ARHGAP10: variants seen among roughly 807,000 people sequenced by gnomAD.
The protein encoded by ARHGAP10 is Rho GTPase activating protein 10, also known as rho GTPase-activating protein 10.
In ARHGAP10, 87 loss-of-function variants were observed where a neutral mutation model predicts 108.6. That is an observed-to-expected ratio of 0.80 (90% CI 0.67 to 0.96). The LOEUF (loss-of-function observed/expected upper bound fraction) is 0.96, where lower values mean the gene tolerates loss of function less well. Ranked by LOEUF, ARHGAP10 falls within the 40% of genes least tolerant of loss-of-function variation. ARHGAP10 has a pLI of 0.00. For synonymous variants in ARHGAP10, 347 were observed against 341.1 expected, an observed-to-expected ratio of 1.02 and a Z score of -0.19; for missense variants, 939 against 954.5, an observed-to-expected ratio of 0.98 and a Z score of 0.21.
At chr4:148,029,479 G>A (rs963879497) in intron 19 of ARHGAP10, among the ~76,000 whole-genome samples, 2 of 152,238 alleles carry the variant, frequency 1.3e-5, no homozygotes, top group African/African-American at 4.8e-5. Context: ...CACAAACTAT[G>A]TGGAGGTGTG....
intron 18 of ARHGAP10, among the ~76,000 whole-genome samples, chr4:147,967,720 T>A (rs867534982): frequency 3.9e-5 from 6 of 152,210 alleles, no homozygotes; most frequent in Middle Eastern, 3.2e-3. Context: ...AGAGACCAGA[T>A]AGCCCGCAAG....
At chr4:147,911,584 G>A (rs56407863) in intron 12 of ARHGAP10, among the ~76,000 whole-genome samples, 468 of 152,204 alleles carry the variant, frequency 3.1e-3, no homozygotes, top group East Asian at 9.3e-3. Context: ...GGATGGTCTT[G>A]ATCTCCTGAC....
chr4:148,013,582 G>A (rs940428965), intron 18 of ARHGAP10, among the ~76,000 whole-genome samples: 1 of 152,110 alleles, frequency 6.6e-6, no homozygotes, highest in African/African-American at 2.4e-5. Context: ...CAGCTACTTG[G>A]GAGGCTGAGG....
intron 20 of ARHGAP10, among the ~76,000 whole-genome samples, chr4:148,052,375 G>GT (rs1483874276): frequency 8.2e-4 from 80 of 97,926 alleles, no homozygotes; most frequent in African/African-American, 2.8e-3. Flanking sequence ...TTTTAAAAGT[G>GT]TTTTTTTGCA....
chr4:147,854,822 G>A, intron 4 of ARHGAP10: 1 of 985,414 alleles, frequency 1.0e-6, no homozygotes. Context: ...TATGGACGAA[G>A]ATATTTCTAT....
intron 11 of ARHGAP10, among the ~76,000 whole-genome samples, chr4:147,907,561 T>G (rs1019832867): frequency 1.3e-5 from 2 of 152,122 alleles, no homozygotes; most frequent in African/African-American, 2.4e-5. Context: ...AGAAACAGGT[T>G]TCAGAATAGA....
intron 1 of ARHGAP10, among the ~76,000 whole-genome samples, chr4:147,760,899 G>A (rs991964454): frequency 2.0e-5 from 3 of 152,108 alleles, no homozygotes; most frequent in African/African-American, 2.4e-5. Flanking sequence ...CCAGACTTGG[G>A]CAAACTATGT....
Position 147,870,012 on chromosome 4 carries a change from G to T in ARHGAP10, c.702+3196G>T, listed in dbSNP as rs866996397. On this transcript the variant is annotated intron_variant, in intron 7 of 22. Transcript: ENST00000336498. ...AAAGTCCCAGTTTGTGTGTGTGTGT[G>T]TGTGTGTGTGTGTGTGTGTGTGTGT... Among the ~76,000 whole-genome samples, 688 of 149,422 alleles carry T rather than the reference G, an allele frequency of 4.6e-3. 12 individuals are homozygous for T. The highest frequency in any genetic ancestry group is 0.013 in the African/African-American group (535 of 40,714).
At chr4:147,839,374 G>A (rs1428706744) in intron 3 of ARHGAP10, among the ~76,000 whole-genome samples, 2 of 152,134 alleles carry the variant, frequency 1.3e-5, no homozygotes, top group Admixed American at 1.3e-4. Context: ...TTCCTCTGGG[G>A]TCAAAAACAC....
chr4:147,881,823 A>C lies in ARHGAP10; in HGVS notation c.940-15A>C. 1 of 1,612,916 alleles carries C rather than the reference A, an allele frequency of 6.2e-7. No individual in the cohort carries two copies. The highest frequency in any genetic ancestry group is 8.5e-7 in the Non-Finnish European group (1 of 1,179,282). On this transcript the variant is annotated splice_polypyrimidine_tract_variant and intron_variant, in intron 9 of 22. Transcript: ENST00000336498. ...TCCTGTAGGTTTTGAGAATGTTCAA[A>C]ATGATTATTTGCAGGGGGACGGAGA...
At position 147,732,153 on chromosome 4, in the gene ARHGAP10, G is replaced by A; in HGVS notation, c.-149G>A. The A allele has an allele frequency of 4.5e-6, 3 of 660,414 alleles. No individual in the cohort carries two copies. The highest frequency in any genetic ancestry group is 4.7e-4 in the Middle Eastern group (1 of 2,114). 40.9% of individuals were successfully genotyped at this position (660,414 alleles called of 1,614,324 possible). On this transcript the variant is annotated 5_prime_UTR_variant, in exon 1 of 23. Transcript: ENST00000336498. The stretch of plus-strand genomic sequence containing the variant: ...CGCGCCGCAGGACTCGGCTCTACGG[G>A]ACATGTCCGTGCCGCGCTCGCCGCG...
intron 3 of ARHGAP10, among the ~76,000 whole-genome samples, chr4:147,840,617 T>C (rs1178210940): frequency 6.6e-6 from 1 of 152,198 alleles, no homozygotes; most frequent in Non-Finnish European, 1.5e-5. Flanking sequence ...TGTGGCTCCA[T>C]TGGCTTATGT....
intron 1 of ARHGAP10, among the ~76,000 whole-genome samples, chr4:147,800,104 C>G (rs989058468): frequency 3.3e-5 from 5 of 152,136 alleles, no homozygotes; most frequent in African/African-American, 1.2e-4. Context: ...GCTGCCGTCT[C>G]ATTTCCCCCT....
intron 1 of ARHGAP10, among the ~76,000 whole-genome samples, chr4:147,795,613 A>G (rs940829714): frequency 5.3e-5 from 8 of 152,184 alleles, no homozygotes; most frequent in Middle Eastern, 3.4e-3. Flanking sequence ...GGTACGTAGT[A>G]GGTGCTCAGT....
chr4:147,964,480 T>G (rs2126995940), intron 16 of ARHGAP10, among the ~76,000 whole-genome samples: 1 of 152,330 alleles, frequency 6.6e-6, no homozygotes, highest in Middle Eastern at 3.4e-3. Flanking sequence ...AACTTTTCCC[T>G]TCCTGACAGT....
At chr4:148,066,605 C>T (rs1174041886) in intron 22 of ARHGAP10, among the ~76,000 whole-genome samples, 1 of 152,222 alleles carries the variant, frequency 6.6e-6, no homozygotes, top group Non-Finnish European at 1.5e-5. Context: ...CACATGTGCA[C>T]ACAAATACCA....
intron 19 of ARHGAP10, among the ~76,000 whole-genome samples, chr4:148,043,976 T>C (rs1728767104): frequency 6.6e-6 from 1 of 151,960 alleles, no homozygotes; most frequent in Non-Finnish European, 1.5e-5. Context: ...TTCTCTCAAG[T>C]AGGTAAGCTC....
intron 19 of ARHGAP10, among the ~76,000 whole-genome samples, chr4:148,026,118 T>C (rs1741755491): frequency 1.3e-5 from 2 of 152,226 alleles, no homozygotes; most frequent in African/African-American, 4.8e-5. Flanking sequence ...TCTTCAGGCC[T>C]ATGATTTGGT....
intron 1 of ARHGAP10, among the ~76,000 whole-genome samples, chr4:147,785,757 T>G (rs1164176130): frequency 6.6e-6 from 1 of 152,198 alleles, no homozygotes; most frequent in Non-Finnish European, 1.5e-5. Flanking sequence ...GTGTGGATTT[T>G]CAGCAATTAT....
Sources: allele counts gnomAD v4.1 joint callset (sites outside exome capture counted in the v4.1 genomes callset), GRCh38; gene constraint gnomAD v4.1.1; transcripts MANE v1.5; gene names NCBI Gene and HGNC (gene_info 2026-07-23, HGNC 2026-07-21).